The following NTM variants were observed in gnomAD, a reference collection of about 807,000 sequenced individuals.
NTM encodes the protein neurotrimin, also known as IgLON family member 2.
A neutral mutation model predicts 42.1 loss-of-function variants in NTM; 13 were observed. That is an observed-to-expected ratio of 0.31 (90% CI 0.20 to 0.49). The LOEUF is 0.49. Ranked by LOEUF, NTM falls within the 20% of genes least tolerant of loss-of-function variation. NTM has a pLI of 0.99. For synonymous variants in NTM, 187 were observed against 179.2 expected, an observed-to-expected ratio of 1.04 and a Z score of -0.35; for missense variants, 373 against 452.8, an observed-to-expected ratio of 0.82 and a Z score of 1.60.
intron 1 of NTM, among the ~76,000 whole-genome samples, chr11:131,443,760 G>C (rs1189207174): frequency 6.6e-6 from 1 of 152,162 alleles, no homozygotes; most frequent in East Asian, 1.9e-4. Context: ...GTCTTTATCT[G>C]TCCTTCTTGA....
chr11:131,817,678 T>A (rs2093006120), intron 1 of NTM, among the ~76,000 whole-genome samples: 1 of 152,224 alleles, frequency 6.6e-6, no homozygotes, highest in Non-Finnish European at 1.5e-5. Context: ...GCCTCTGAGC[T>A]TCCATGAGGA....
chr11:131,839,995 A>C (rs1188123699), intron 1 of NTM, among the ~76,000 whole-genome samples: 2 of 152,184 alleles, frequency 1.3e-5, no homozygotes, highest in African/African-American at 4.8e-5. Flanking sequence ...TGGAGGATGG[A>C]CTTGCCATCA....
At chr11:132,256,435 G>A (rs1442288522) in intron 4 of NTM, among the ~76,000 whole-genome samples, 2 of 152,094 alleles carry the variant, frequency 1.3e-5, no homozygotes, top group African/African-American at 2.4e-5. Flanking sequence ...TGCACTGTTC[G>A]GCCTCTGCAA....
chr11:131,734,991 C>T (rs189154311), intron 1 of NTM, among the ~76,000 whole-genome samples: 159 of 152,230 alleles, frequency 1.0e-3, no homozygotes, highest in African/African-American at 2.6e-3. Flanking sequence ...ACAAGATCAA[C>T]GAGGAATATG....
chr11:132,221,942 A>G (rs2085244255), intron 4 of NTM, among the ~76,000 whole-genome samples: 1 of 152,122 alleles, frequency 6.6e-6, no homozygotes, highest in Admixed American at 6.5e-5. Flanking sequence ...CCACTGCTTC[A>G]TCTTGCTCTC....
chr11:131,771,756 T>G (rs2135924362), intron 1 of NTM: 1 of 152,344 alleles, frequency 6.6e-6, no homozygotes, highest in Non-Finnish European at 1.5e-5. Context: ...GTATAGAGCC[T>G]GATCCCTGCA....
rs146480592 is a variant in NTM at position 131,977,045 on chromosome 11, G to C, written c.167+65397G>C. The stretch of plus-strand genomic sequence containing the variant: ...CCAGTCCTAGATGCTGAAGATAAAT[G>C]TCAGCACCATCCATTGGAAGCTTTC... On this transcript the variant is annotated intron_variant, in intron 2 of 8. Coordinates refer to ENST00000683400, the MANE Select transcript of NTM (RefSeq NM_001352005.2). Among the ~76,000 whole-genome samples, 508 of 152,290 alleles carry C rather than the reference G, an allele frequency of 3.3e-3. 4 individuals carry two copies. The highest frequency in any genetic ancestry group is 4.5e-3 in the Non-Finnish European group (307 of 68,018).
intron 3 of NTM, among the ~76,000 whole-genome samples, chr11:132,147,683 A>G (rs2070841533): frequency 6.6e-6 from 1 of 152,038 alleles, no homozygotes; most frequent in South Asian, 2.1e-4. Flanking sequence ...CCAGTGCTGG[A>G]GCCCTTTCCC....
chr11:131,774,080 A>T (rs572163973), intron 1 of NTM: 4 of 985,158 alleles, frequency 4.1e-6, no homozygotes, highest in Admixed American at 1.2e-4. Context: ...ATGTTGTTCC[A>T]AAATTGCTCT....
intron 4 of NTM, among the ~76,000 whole-genome samples, chr11:132,278,720 T>A (rs2093834229): frequency 6.6e-6 from 1 of 151,716 alleles, no homozygotes; most frequent in South Asian, 2.1e-4. Context: ...CTTTGGAATG[T>A]CTTTCTTAAC....
intron 4 of NTM, among the ~76,000 whole-genome samples, chr11:132,248,676 G>C (rs1005475012): frequency 6.6e-6 from 1 of 152,220 alleles, no homozygotes; most frequent in Non-Finnish European, 1.5e-5. Flanking sequence ...GCTGGTGGCT[G>C]TCAGTGGTCC....
intron 4 of NTM, among the ~76,000 whole-genome samples, chr11:132,220,492 G>C (rs1032512644): frequency 6.6e-6 from 1 of 152,196 alleles, no homozygotes; most frequent in African/African-American, 2.4e-5. Context: ...CTTCAAAGAA[G>C]AGAGAAATAA....
chr11:132,218,071 C>T (rs1043308378), intron 4 of NTM, among the ~76,000 whole-genome samples: 11 of 152,098 alleles, frequency 7.2e-5, no homozygotes, highest in South Asian at 2.1e-4. Flanking sequence ...GGCGTGCCAT[C>T]GGCTGACTGC....
chr11:131,731,072 AT>A (rs1328129626), intron 1 of NTM, among the ~76,000 whole-genome samples: 1 of 152,054 alleles, frequency 6.6e-6, no homozygotes, highest in Non-Finnish European at 1.5e-5. Context: ...TTCTCTTATG[AT>A]TTTTTATGCT....
intron 7 of NTM, among the ~76,000 whole-genome samples, chr11:132,320,503 C>T (rs1170956779): frequency 6.6e-6 from 1 of 152,100 alleles, no homozygotes; most frequent in Non-Finnish European, 1.5e-5. Flanking sequence ...AGATTATATC[C>T]CCCAGCTGGC....
At chr11:132,089,597 G>C (rs2060152683) in intron 2 of NTM, among the ~76,000 whole-genome samples, 3 of 152,170 alleles carry the variant, frequency 2.0e-5, no homozygotes, top group Admixed American at 2.0e-4. Flanking sequence ...AAATTGATGT[G>C]AATATCCTGC....
chr11:131,637,434 G>C (rs2064544807), intron 1 of NTM, among the ~76,000 whole-genome samples: 1 of 151,656 alleles, frequency 6.6e-6, no homozygotes, highest in Non-Finnish European at 1.5e-5. Flanking sequence ...CTGGGTTCAA[G>C]GCCCACCCAC....
chr11:131,920,537 G>A (rs1252339140), intron 2 of NTM, among the ~76,000 whole-genome samples: 1 of 152,166 alleles, frequency 6.6e-6, no homozygotes, highest in African/African-American at 2.4e-5. Context: ...TTTAAATGTA[G>A]TGAACTATGA....
In NTM at chr11:131,520,353, T is replaced by C. The variant is rs2049467584; in HGVS notation, c.82+149465T>C. Among the ~76,000 whole-genome samples the C allele has an allele frequency of 1.3e-5, 2 of 152,184 alleles. 1 individual carries two copies. The highest frequency in any genetic ancestry group is 4.1e-4 in the South Asian group (2 of 4,828). ...CAATTTTAAGGTAAACAAACTAAGC[T>C]GAAAAGTTTAGGTGATTTTTCTAAG... On this transcript the variant is annotated intron_variant, in intron 1 of 8. Coordinates refer to ENST00000683400, the MANE Select transcript of NTM (RefSeq NM_001352005.2).
Sources: gnomAD v4.1 joint callset for allele counts (sites outside exome capture counted in the v4.1 genomes callset) on GRCh38, gnomAD v4.1.1 for gene constraint, MANE v1.5 for transcripts, NCBI Gene and HGNC (gene_info 2026-07-23, HGNC 2026-07-21) for gene names.